Variants in WFDC1 observed in about 807,000 individuals in gnomAD.
WFDC1 encodes the protein WAP four-disulfide core domain 1.
WFDC1 carries 39 observed loss-of-function variants against 32.9 expected under a neutral mutation model. The observed-to-expected ratio is 1.19, with a 90% CI of 0.92 to 1.55. The LOEUF (loss-of-function observed/expected upper bound fraction) is 1.55, where lower values mean the gene tolerates loss of function less well. Ranked by LOEUF, WFDC1 falls within the 40% of genes most tolerant of loss-of-function variation. WFDC1 has a pLI of 0.00. For synonymous variants in WFDC1, 184 were observed against 137.4 expected (o/e 1.34, Z -2.37); for missense variants, 386 against 309.5 (o/e 1.25, Z -1.85).
intron 1 of WFDC1, among the ~76,000 whole-genome samples, chr16:84,297,689 C>T (rs1906692706): frequency 6.6e-6 from 1 of 150,600 alleles, no homozygotes; most frequent in South Asian, 2.1e-4. Context: ...AGGCTGTTCG[C>T]CTGTGGCTCA....
rs1459895508 is a variant in WFDC1, at chr16:84,312,964, G to A, written c.148G>A (p.Glu50Lys). Residue 50 changes from glutamate to lysine, a missense_variant, in exon 2 of 7, where the codon GAG (glutamate) becomes AAG (lysine). Physicochemically the swap from Glu to Lys is moderately conservative, Grantham distance 56. Transcript: ENST00000219454. Reference sequence around the variant, plus strand: ...TGACACCGCCCTCTCCCCGCAGGCCGAGGAGGCGGGCGCGCCCGGCGGCCC... The same window carrying A: ...TGACACCGCCCTCTCCCCGCAGGCCAAGGAGGCGGGCGCGCCCGGCGGCCC... ...PARLAEKSRA[E>K]EAGAPGGPRQ... 32 of 1,159,356 alleles carry A rather than the reference G, an allele frequency of 2.8e-5. No homozygotes were observed. The Admixed American group carries it at 4.7e-4, about 17-fold the overall frequency. 71.8% of individuals were successfully genotyped at this position (1,159,356 alleles called of 1,614,324 possible). A position where few individuals can be genotyped will look rare whatever the true frequency, so the allele number is the denominator to read the frequency against.
intron 4 of WFDC1, 108 bp downstream of exon 4, chr16:84,319,679 C>G: frequency 7.0e-7 from 1 of 1,425,710 alleles, no homozygotes; most frequent in Non-Finnish European, 9.4e-7. Context: ...AGCCCCAGCA[C>G]CTGGGCCTGA....
chr16:84,326,650 C>T (rs1198671620), intron 5 of WFDC1: 1 of 527,134 alleles, frequency 1.9e-6, no homozygotes, highest in Non-Finnish European at 3.4e-6. Context: ...GTGTGGTGAG[C>T]TGTGGAGGTG....
intron 1 of WFDC1, among the ~76,000 whole-genome samples, chr16:84,296,574 G>T (rs981255254): frequency 6.6e-6 from 1 of 152,128 alleles, no homozygotes; most frequent in Non-Finnish European, 1.5e-5. Context: ...GGCATAGTGG[G>T]GTGCCTGAAA....
chr16:84,309,145 G>C (rs1417860105), intron 1 of WFDC1, among the ~76,000 whole-genome samples: 1 of 152,216 alleles, frequency 6.6e-6, no homozygotes, highest in African/African-American at 2.4e-5. Flanking sequence ...GGAGGAAACG[G>C]TTTGAAGAGA....
In WFDC1 at chr16:84,319,546, G is replaced by A. The variant is rs1264829560; in HGVS notation, c.537G>A (p.Gln179=). 6.2e-7 allele frequency: 1 copy of A among 1,613,010 alleles called. No homozygotes were observed. The highest frequency in any genetic ancestry group is 1.7e-5 in the Admixed American group (1 of 60,016). ...CCGAAGGTATCCCCAACCGTGGGCA[G>A]TGCGTCAAGCAGCGCCGGCAAGCAG... ...DVAEGIPNRG[Q]CVKQRRQADG... Residue 179 remains glutamine, a synonymous_variant, in exon 4 of 7, where the codon CAG becomes CAA. Coordinates refer to ENST00000219454, the MANE Select transcript of WFDC1 (RefSeq NM_021197.4).
chr16:84,309,234 A>G (rs967791183), intron 1 of WFDC1, among the ~76,000 whole-genome samples: 1 of 152,046 alleles, frequency 6.6e-6, no homozygotes, highest in Non-Finnish European at 1.5e-5. Flanking sequence ...GGGCGATGAG[A>G]TGAGGCCAAT....
intron 1 of WFDC1, among the ~76,000 whole-genome samples, chr16:84,300,313 C>T (rs535051849): frequency 2.6e-4 from 40 of 152,338 alleles, no homozygotes; most frequent in Admixed American, 1.2e-3. Context: ...TGGTGGGACA[C>T]GAGTGAGGAG....
At chr16:84,315,633 G>A (rs2151376584) in intron 2 of WFDC1, among the ~76,000 whole-genome samples, 1 of 152,322 alleles carries the variant, frequency 6.6e-6, no homozygotes, top group South Asian at 2.1e-4. Flanking sequence ...GCTCTCCCGT[G>A]CACTGTAGGA....
At chr16:84,297,634 A>AAC (rs1906680960) in intron 1 of WFDC1, among the ~76,000 whole-genome samples, 1 of 148,394 alleles carries the variant, frequency 6.7e-6, no homozygotes, top group African/African-American at 2.5e-5. Context: ...AAAAAAAAAA[A>AAC]AAAAAAAAAA....
chr16:84,328,558 G>T (rs1260595730), intron 6 of WFDC1: 1 of 152,386 alleles, frequency 6.6e-6, no homozygotes, highest in African/African-American at 2.4e-5. Flanking sequence ...GAGTAGGTCA[G>T]ATGCAGCTGA....
intron 1 of WFDC1, among the ~76,000 whole-genome samples, chr16:84,308,444 C>T (rs1907400406): frequency 6.6e-6 from 1 of 152,118 alleles, no homozygotes; most frequent in African/African-American, 2.4e-5. Flanking sequence ...GTGGCGAGGG[C>T]CTAAAAATGA....
chr16:84,312,149 G>A (rs1223470566), intron 1 of WFDC1, among the ~76,000 whole-genome samples: 1 of 152,136 alleles, frequency 6.6e-6, no homozygotes, highest in Admixed American at 6.5e-5. Context: ...TGGGCAACAA[G>A]AGCGAAACTC....
At chr16:84,299,224 C>T (rs958872720) in intron 1 of WFDC1, among the ~76,000 whole-genome samples, 2 of 151,928 alleles carry the variant, frequency 1.3e-5, no homozygotes, top group East Asian at 3.9e-4. Flanking sequence ...ATTAGCCGGG[C>T]ATGGTGGCGC....
At position 84,298,138 on chromosome 16, in the gene WFDC1, A is replaced by AT. The variant is rs751086141; in HGVS notation, c.144+3035dup. ...ATTTGTATTAAAAAGAAAGGAAAGAATTTTTTTTTTTTAAGACAGAGTCCC... is the reference window on the plus strand; with the variant it reads ...ATTTGTATTAAAAAGAAAGGAAAGAATTTTTTTTTTTTTAAGACAGAGTCCC... On this transcript the variant is annotated intron_variant, in intron 1 of 6. Coordinates refer to ENST00000219454, the MANE Select transcript of WFDC1 (RefSeq NM_021197.4). Among the ~76,000 whole-genome samples, 716 of 148,374 alleles carry AT rather than the reference A, an allele frequency of 4.8e-3. 2 individuals carry two copies. Among genetic ancestry groups the AT allele is most frequent in the Middle Eastern group, 0.021 (6 of 290 alleles).
intron 1 of WFDC1, among the ~76,000 whole-genome samples, chr16:84,299,701 A>G (rs903397664): frequency 6.6e-6 from 1 of 152,206 alleles, no homozygotes; most frequent in Non-Finnish European, 1.5e-5. Context: ...TGGCCTGGGC[A>G]GGCTGGCCCC....
chr16:84,326,745 G>T, intron 5 of WFDC1, 137 bp from the exon 6 acceptor site: 1 of 918,772 alleles, frequency 1.1e-6, no homozygotes, highest in Non-Finnish European at 1.8e-6. Flanking sequence ...TGCAGGTGGG[G>T]ACTGAGTGAC....
chr16:84,312,820 C>G (rs975527434), intron 1 of WFDC1, 141 bp from the exon 2 acceptor site: 1 of 367,470 alleles, frequency 2.7e-6, no homozygotes, highest in Non-Finnish European at 4.1e-6. Flanking sequence ...CCGAGGCTGG[C>G]TCTGCCTGCT....
intron 1 of WFDC1, among the ~76,000 whole-genome samples, chr16:84,305,963 C>T (rs1325901055): frequency 6.6e-6 from 1 of 151,572 alleles, no homozygotes; most frequent in Non-Finnish European, 1.5e-5. Context: ...AGATCGTGCC[C>T]TTGCACTCCA....
Sources: allele counts gnomAD v4.1 joint callset (sites outside exome capture counted in the v4.1 genomes callset), GRCh38; gene constraint gnomAD v4.1.1; transcripts MANE v1.5; gene names NCBI Gene and HGNC (gene_info 2026-07-23, HGNC 2026-07-21).